ARMH3: variants seen among roughly 807,000 people sequenced by gnomAD.
The protein encoded by ARMH3 is armadillo like helical domain containing 3, also known as armadillo-like helical domain-containing protein 3.
In ARMH3, 60 loss-of-function variants were observed where a neutral mutation model predicts 99.1. That is an observed-to-expected ratio of 0.61 (90% CI 0.49 to 0.75). ARMH3 has a LOEUF of 0.75. Among genes scored for constraint, ARMH3 ranks in the 30% least tolerant of loss-of-function variants. ARMH3 has a pLI of 0.00. For synonymous variants in ARMH3, 285 were observed against 292.8 expected, an observed-to-expected ratio of 0.97 and a Z score of 0.27; for missense variants, 679 against 843.1, an observed-to-expected ratio of 0.81 and a Z score of 2.41.
At chr10:101,856,548 G>A (rs1214313796) in intron 24 of ARMH3, among the ~76,000 whole-genome samples, 1 of 149,990 alleles carries the variant, frequency 6.7e-6, no homozygotes, top group East Asian at 2.0e-4. Flanking sequence ...CTTTAACCCT[G>A]TCCAACTCCT....
At chr10:101,924,364 CTT>C (rs1256731819) in intron 23 of ARMH3, among the ~76,000 whole-genome samples, 20 of 138,884 alleles carry the variant, frequency 1.4e-4, no homozygotes, top group Non-Finnish European at 2.2e-4. Flanking sequence ...TTCTGCATTG[CTT>C]TTTTTTTTTT....
chr10:101,900,124 T>A (rs2067938640), intron 23 of ARMH3, among the ~76,000 whole-genome samples: 1 of 152,196 alleles, frequency 6.6e-6, no homozygotes, highest in South Asian at 2.1e-4. Context: ...AAAACACCTA[T>A]AAGATTATCC....
intron 22 of ARMH3, among the ~76,000 whole-genome samples, chr10:101,951,183 G>T (rs542003004): frequency 6.6e-6 from 1 of 152,162 alleles, no homozygotes; most frequent in African/African-American, 2.4e-5. Flanking sequence ...TTTTGTCAGG[G>T]ATTGTAAGGT....
At chr10:101,987,266 T>G (rs1846555140) in intron 19 of ARMH3, among the ~76,000 whole-genome samples, 1 of 152,148 alleles carries the variant, frequency 6.6e-6, no homozygotes, top group South Asian at 2.1e-4. Context: ...TACCACATTT[T>G]CTAGCCTCCA....
intron 24 of ARMH3, among the ~76,000 whole-genome samples, chr10:101,875,375 TACAA>T (rs539568627): frequency 2.2e-3 from 340 of 152,280 alleles, no homozygotes; most frequent in Middle Eastern, 6.8e-3. Flanking sequence ...CTCTCCAGGG[TACAA>T]ACACTCAATA....
intron 23 of ARMH3, among the ~76,000 whole-genome samples, chr10:101,915,968 T>A (rs1564748765): frequency 6.6e-6 from 1 of 152,060 alleles, no homozygotes; most frequent in Non-Finnish European, 1.5e-5. Context: ...GGCGCCTGGC[T>A]AATTTTTTTG....
intron 20 of ARMH3, among the ~76,000 whole-genome samples, chr10:101,969,806 C>CT (rs1023457922): frequency 6.6e-6 from 1 of 152,130 alleles, no homozygotes; most frequent in Non-Finnish European, 1.5e-5. Flanking sequence ...GTCAGGAACT[C>CT]TAAGTTCTAA....
chr10:101,970,572 A>C (rs1212081394), intron 20 of ARMH3, among the ~76,000 whole-genome samples: 1 of 152,194 alleles, frequency 6.6e-6, no homozygotes, highest in Non-Finnish European at 1.5e-5. Flanking sequence ...CTATAATCCC[A>C]ACAATTTGGG....
intron 20 of ARMH3, among the ~76,000 whole-genome samples, chr10:101,968,423 T>C (rs1464433503): frequency 6.6e-6 from 1 of 152,150 alleles, no homozygotes; most frequent in Non-Finnish European, 1.5e-5. Flanking sequence ...AACAGACTTG[T>C]CTTGCTCCCT....
intron 4 of ARMH3, among the ~76,000 whole-genome samples, chr10:102,031,772 C>T (rs948630488): frequency 6.6e-6 from 1 of 152,092 alleles, no homozygotes; most frequent in African/African-American, 2.4e-5. Flanking sequence ...CGGAGTCTCG[C>T]TCTGTCGCCC....
chr10:101,954,265 A>G (rs944732837), intron 22 of ARMH3, among the ~76,000 whole-genome samples: 2 of 152,250 alleles, frequency 1.3e-5, no homozygotes, highest in East Asian at 1.9e-4. Flanking sequence ...TTTATTTATC[A>G]TCGCTAAAAA....
chr10:101,963,862 G>A (rs1350869897), intron 20 of ARMH3, among the ~76,000 whole-genome samples: 2 of 151,288 alleles, frequency 1.3e-5, no homozygotes, highest in Admixed American at 1.3e-4. Flanking sequence ...TTAAAGTAGG[G>A]GTTCTCTTTT....
intron 23 of ARMH3, among the ~76,000 whole-genome samples, chr10:101,923,900 A>C (rs527904598): frequency 6.6e-6 from 1 of 152,306 alleles, no homozygotes; most frequent in South Asian, 2.1e-4. Context: ...TCACAAATTC[A>C]TTCTTCACAA....
intron 22 of ARMH3, among the ~76,000 whole-genome samples, chr10:101,944,447 C>T (rs141186033): frequency 9.9e-4 from 149 of 151,124 alleles, no homozygotes; most frequent in African/African-American, 3.5e-3. Context: ...GAACCCCAAG[C>T]AAAATAAAGA....
At chr10:101,977,269 T>G (rs1048120739) in intron 19 of ARMH3, among the ~76,000 whole-genome samples, 4 of 152,196 alleles carry the variant, frequency 2.6e-5, no homozygotes, top group Non-Finnish European at 4.4e-5. Context: ...GTTAGTAGCT[T>G]GAGGTTAAGA....
intron 19 of ARMH3, among the ~76,000 whole-genome samples, chr10:101,988,749 C>G (rs943020005): frequency 3.9e-5 from 6 of 151,932 alleles, no homozygotes; most frequent in Non-Finnish European, 7.4e-5. Flanking sequence ...GTGGTGAAAC[C>G]CTGTCTCTAC....
intron 21 of ARMH3, 152 bp downstream of exon 21, chr10:101,957,498 G>C: frequency 1.4e-6 from 1 of 739,464 alleles, no homozygotes; most frequent in Non-Finnish European, 2.1e-6. Flanking sequence ...GTGAGAGTGG[G>C]GACCACCAGT....
intron 24 of ARMH3, among the ~76,000 whole-genome samples, chr10:101,882,718 C>T (rs1305433242): frequency 1.3e-5 from 2 of 152,138 alleles, no homozygotes; most frequent in Non-Finnish European, 2.9e-5. Context: ...CAGCTGGTCT[C>T]GAACTCCTGA....
At chr10:101,949,670 C>A (rs948868139) in intron 22 of ARMH3, among the ~76,000 whole-genome samples, 1 of 152,198 alleles carries the variant, frequency 6.6e-6, no homozygotes, top group African/African-American at 2.4e-5. Context: ...TAAACAAATT[C>A]TTCTAGAAAA....
Sources: gnomAD v4.1 joint callset for allele counts (sites outside exome capture counted in the v4.1 genomes callset) on GRCh38, gnomAD v4.1.1 for gene constraint, MANE v1.5 for transcripts, NCBI Gene and HGNC (gene_info 2026-07-23, HGNC 2026-07-21) for gene names.